Variants in PCGF5 observed in about 807,000 individuals in gnomAD.
PCGF5 encodes polycomb group RING finger protein 5.
In PCGF5, 9 loss-of-function variants were observed where a neutral mutation model predicts 44.3. That is an observed-to-expected ratio of 0.20 (90% CI 0.12 to 0.35). The LOEUF (loss-of-function observed/expected upper bound fraction) is 0.35, where lower values mean the gene tolerates loss of function less well. Ranked by LOEUF, PCGF5 falls within the 10% of genes least tolerant of loss-of-function variation. The pLI is 1.00. For synonymous variants in PCGF5, 95 were observed against 102.5 expected, an observed-to-expected ratio of 0.93 and a Z score of 0.44; for missense variants, 146 against 305.3, an observed-to-expected ratio of 0.48 and a Z score of 3.89.
At chr10:91,203,712 T>C (rs1360333932) in intron 1 of PCGF5, among the ~76,000 whole-genome samples, 1 of 152,236 alleles carries the variant, frequency 6.6e-6, no homozygotes, top group Admixed American at 6.5e-5. Context: ...AAATTTTCTT[T>C]CCTATTGTTT....
upstream of PCGF5, among the ~76,000 whole-genome samples, chr10:91,219,004 A>T (rs1844601527): frequency 6.6e-6 from 1 of 152,192 alleles, no homozygotes; most frequent in Admixed American, 6.5e-5. Flanking sequence ...GCATTTTTTT[A>T]AATTGGGGTG....
intron 2 of PCGF5, among the ~76,000 whole-genome samples, chr10:91,232,011 CATT>C (rs923302210): frequency 1.8e-4 from 27 of 152,212 alleles, no homozygotes; most frequent in African/African-American, 6.3e-4. Context: ...GCATATGCAT[CATT>C]ATTTAAACAA....
chr10:91,225,230 C>CATATATGTATATATGATATATATCGT (rs1465741976), intron 2 of PCGF5, among the ~76,000 whole-genome samples: 38 of 145,892 alleles, frequency 2.6e-4, no homozygotes, highest in African/African-American at 8.8e-4. Context: ...TGATATATAT[C>CATATATGTATATATGATATATATCGT]ATATATGTAT....
At chr10:91,267,987 CTAATT>C (rs1259852159) in intron 8 of PCGF5, among the ~76,000 whole-genome samples, 1 of 152,136 alleles carries the variant, frequency 6.6e-6, no homozygotes, top group Non-Finnish European at 1.5e-5. Context: ...GGTTAAGATT[CTAATT>C]TATTTCAAAT....
At chr10:91,278,162 A>T (rs573271589) in intron 9 of PCGF5, 107 bp from the exon 10 acceptor site, 1 of 907,974 alleles carries the variant, frequency 1.1e-6, no homozygotes, top group Non-Finnish European at 1.7e-6. Flanking sequence ...CACTAGTACC[A>T]GGAAATACTG....
At chr10:91,257,196 C>A (rs2133397761) in intron 6 of PCGF5, among the ~76,000 whole-genome samples, 1 of 152,116 alleles carries the variant, frequency 6.6e-6, no homozygotes, top group African/African-American at 2.4e-5. Context: ...CCAATAAGCA[C>A]AGGAAAAGTT....
intron 2 of PCGF5, among the ~76,000 whole-genome samples, chr10:91,229,297 A>G (rs944472521): frequency 1.3e-5 from 2 of 152,230 alleles, no homozygotes; most frequent in Non-Finnish European, 1.5e-5. Flanking sequence ...CAGACAGACA[A>G]TAAGTAAGTA....
chr10:91,282,304 T>C lies in PCGF5; in HGVS notation c.*3988T>C, dbSNP rs1846474247. On this transcript the variant is annotated 3_prime_UTR_variant, in exon 10 of 10. Coordinates refer to ENST00000336126, the MANE Select transcript of PCGF5 (RefSeq NM_032373.5). ...GTTCGAGACCAGCTGGTTAACATGG[T>C]GAAACCCCATCTCTACTAAAAATAC... is the stretch of plus-strand genomic sequence containing the variant. 6.6e-6 allele frequency: 1 copy of C among 152,194 alleles called. No homozygotes were observed. Among genetic ancestry groups the C allele is most frequent in the Non-Finnish European group, 1.5e-5 (1 of 68,074 alleles). The allele number at this position is 152,194 out of a possible 1,614,324, so 9.4% of individuals were successfully genotyped here.
At chr10:91,270,355 T>G (rs1203887948) in intron 8 of PCGF5, among the ~76,000 whole-genome samples, 2 of 149,562 alleles carry the variant, frequency 1.3e-5, no homozygotes, top group Non-Finnish European at 3.0e-5. Flanking sequence ...TATATACATC[T>G]TGACTGATAC....
upstream of PCGF5, among the ~76,000 whole-genome samples, chr10:91,158,464 A>G (rs1399267182): frequency 6.6e-6 from 1 of 152,202 alleles, no homozygotes; most frequent in East Asian, 1.9e-4. Flanking sequence ...TATTTGGTGC[A>G]GCATTACTCA....
intron 1 of PCGF5, among the ~76,000 whole-genome samples, chr10:91,201,273 G>A (rs1203550310): frequency 2.6e-5 from 4 of 152,112 alleles, no homozygotes; most frequent in African/African-American, 9.7e-5. Context: ...CTTCTGAGCT[G>A]GGCATCACAT....
intron 1 of PCGF5, among the ~76,000 whole-genome samples, chr10:91,203,124 G>A (rs1432235304): frequency 6.6e-6 from 1 of 152,158 alleles, no homozygotes; most frequent in Non-Finnish European, 1.5e-5. Context: ...TTGGTACTAA[G>A]CATTTTAAGG....
intron 7 of PCGF5, 109 bp downstream of exon 7, chr10:91,261,533 TTTGA>T: frequency 2.4e-6 from 3 of 1,229,200 alleles, no homozygotes; most frequent in Non-Finnish European, 3.1e-6. Context: ...TTGTGGAAAC[TTTGA>T]TTATTTTTGT....
In PCGF5 at chr10:91,177,959, G is replaced by A. The variant is rs577207032; in HGVS notation, c.-184+14878G>A. ...CAACAATCCCCAGTGAGATGAACCCGGTACCTCAGTTGGAAATGCAGAAAT... is the reference window on the plus strand; with the variant it reads ...CAACAATCCCCAGTGAGATGAACCCAGTACCTCAGTTGGAAATGCAGAAAT... On this transcript the variant is annotated intron_variant, in intron 1 of 9. Coordinates refer to the PCGF5 transcript ENST00000614189. Among the ~76,000 whole-genome samples, 9 of 152,300 alleles carry A rather than the reference G, an allele frequency of 5.9e-5. No individual in the cohort carries two copies. In the South Asian group the frequency reaches 8.3e-4, roughly 14 times the overall value.
intron 1 of PCGF5, among the ~76,000 whole-genome samples, chr10:91,214,547 C>T (rs1471122961): frequency 3.9e-5 from 6 of 152,150 alleles, no homozygotes; most frequent in Non-Finnish European, 4.4e-5. Flanking sequence ...AAATAGGAGA[C>T]AATTTGTCCA....
At chr10:91,233,337 C>G (rs993797750) in intron 2 of PCGF5, among the ~76,000 whole-genome samples, 64 of 152,152 alleles carry the variant, frequency 4.2e-4, no homozygotes, top group African/African-American at 1.5e-3. Flanking sequence ...CCAGACCATG[C>G]TTAAACCCCC....
intron 6 of PCGF5, among the ~76,000 whole-genome samples, chr10:91,252,196 G>A (rs1022950558): frequency 3.3e-5 from 5 of 151,910 alleles, no homozygotes; most frequent in African/African-American, 1.2e-4. Flanking sequence ...CCTAGCAAAT[G>A]TCAGCCACTG....
At chr10:91,175,777 A>G (rs1843694871) in intron 1 of PCGF5, among the ~76,000 whole-genome samples, 1 of 152,098 alleles carries the variant, frequency 6.6e-6, no homozygotes, top group South Asian at 2.1e-4. Context: ...ATCTTCCTCC[A>G]TCCCTTTATT....
the PCGF5 span, among the ~76,000 whole-genome samples, chr10:91,156,959 G>A: frequency 6.6e-6 from 1 of 152,188 alleles, no homozygotes; most frequent in African/African-American, 2.4e-5. Context: ...GTACAGGTTT[G>A]TCCAAGTAAG....
Sources: gnomAD v4.1 joint callset for allele counts (sites outside exome capture counted in the v4.1 genomes callset) on GRCh38, gnomAD v4.1.1 for gene constraint, MANE v1.5 for transcripts, NCBI Gene and HGNC (gene_info 2026-07-23, HGNC 2026-07-21) for gene names.